NEMF: variants seen among roughly 807,000 people sequenced by gnomAD.
The protein encoded by NEMF is nuclear export mediator factor.
Under a neutral mutation model 162.2 loss-of-function variants are expected in NEMF, and 89 were observed. That is an observed-to-expected ratio of 0.55 (90% CI 0.46 to 0.65). The LOEUF (loss-of-function observed/expected upper bound fraction) is 0.65, where lower values mean the gene tolerates loss of function less well. Ranked by LOEUF, NEMF falls within the 30% of genes least tolerant of loss-of-function variation. The probability of loss-of-function intolerance (pLI) is 0.00; values close to 1 mark genes in which losing one functional copy is unlikely to be tolerated. For missense variants in NEMF, 1,133 were observed against 1,261.9 expected (o/e 0.90, Z 1.55); for synonymous variants, 421 against 404.5 (o/e 1.04, Z -0.49).
In NEMF at chr14:49,838,220, C is replaced by T. The variant is rs761693368; in HGVS notation, c.507-14G>A. The T allele has an allele frequency of 1.4e-5, 23 of 1,611,946 alleles. No homozygotes were observed. Among genetic ancestry groups the T allele is most frequent in the Middle Eastern group, 1.7e-4 (1 of 6,052 alleles). On this transcript the variant is annotated splice_polypyrimidine_tract_variant and intron_variant, in intron 5 of 32. Coordinates refer to ENST00000298310, the MANE Select transcript of NEMF (RefSeq NM_004713.6). ...ATTTCAGTCAACCTGTGAAACAAAA[C>T]GGACATGCCTCTATCATATCTTAAA... is the stretch of plus-strand genomic sequence containing the variant.
chr14:49,832,155 C>T (rs773469084), intron 9 of NEMF, 29 bp from the exon 10 acceptor site: 22 of 1,595,030 alleles, frequency 1.4e-5, no homozygotes, highest in East Asian at 2.2e-5. Flanking sequence ...ATATCACATT[C>T]GAGAACATTA....
intron 15 of NEMF, 90 bp downstream of exon 15, chr14:49,828,201 G>A: frequency 1.1e-6 from 1 of 934,096 alleles, no homozygotes; most frequent in Non-Finnish European, 1.7e-6. Context: ...TTCTGAATTA[G>A]AAAACCTCAT....
chr14:49,824,561 A>AAC, intron 16 of NEMF, among the ~76,000 whole-genome samples: 1 of 150,158 alleles, frequency 6.7e-6, no homozygotes, highest in Non-Finnish European at 1.5e-5. Flanking sequence ...AAAAAAAAAA[A>AAC]GTCTGAGGAA....
chr14:49,828,798 G>A lies in NEMF; in HGVS notation c.1242C>T (p.Tyr414=). ...NHVTMLLRNP[Y]LLSEEEDDDV... ...CATCATCTTCCTCCTCTGATAACAA[G>A]TATGGATTTCTATTAAAAATATTCA... Residue 414 remains tyrosine (Y), a synonymous_variant, in exon 14 of 33, where the codon TAC becomes TAT. Coordinates refer to ENST00000298310, the MANE Select transcript of NEMF (RefSeq NM_004713.6). 6.5e-7 allele frequency: 1 copy of A among 1,530,816 alleles called. No individual in the cohort carries two copies. Among genetic ancestry groups the A allele is most frequent in the East Asian group, 2.3e-5 (1 of 43,828 alleles). 94.8% of individuals were successfully genotyped at this position (1,530,816 alleles called of 1,614,324 possible).
At chr14:49,842,775 G>A (rs143670601) in intron 4 of NEMF, among the ~76,000 whole-genome samples, 91 of 152,318 alleles carry the variant, frequency 6.0e-4, no homozygotes, top group African/African-American at 2.1e-3. Flanking sequence ...GGGAGGCCAA[G>A]GTGGGCAGAT....
chr14:49,796,795 T>C (rs1386685753), intron 25 of NEMF, among the ~76,000 whole-genome samples: 1 of 152,228 alleles, frequency 6.6e-6, no homozygotes, highest in Non-Finnish European at 1.5e-5. Context: ...TTATCTACCA[T>C]TTAATACACA....
At position 49,783,830 on chromosome 14, in the gene NEMF, T is replaced by C. The variant is rs1373840246; in HGVS notation, c.*806A>G. ...TAAGCTGAGTCATGAGAATTATTAC[T>C]TATATTTTACATTTTGGTCTAATAT... On this transcript the variant is annotated 3_prime_UTR_variant, in exon 33 of 33. Coordinates refer to ENST00000298310, the MANE Select transcript of NEMF (RefSeq NM_004713.6). 2.6e-5 allele frequency: 4 copies of C among 152,204 alleles called. No individual in the cohort carries two copies. The highest frequency in any genetic ancestry group is 5.9e-5 in the Non-Finnish European group (4 of 68,040). 9.4% of individuals were successfully genotyped at this position (152,204 alleles called of 1,614,324 possible). A position where few individuals can be genotyped will look rare whatever the true frequency, so the allele number is the denominator to read the frequency against.
At chr14:49,799,228 AAAAAAG>A (rs1890839082) in intron 25 of NEMF, among the ~76,000 whole-genome samples, 1 of 149,324 alleles carries the variant, frequency 6.7e-6, no homozygotes. Flanking sequence ...AAAAAAAAAA[AAAAAAG>A]GAAAATGTTA....
At chr14:49,788,531 TCAAGACA>T (rs1176605765) in intron 28 of NEMF, among the ~76,000 whole-genome samples, 13 of 150,540 alleles carry the variant, frequency 8.6e-5, no homozygotes, top group African/African-American at 2.9e-4. Context: ...CTACACATCT[TCAAGACA>T]ATCCCAATTT....
At chr14:49,820,495 G>A (rs1014040381) in intron 16 of NEMF, 27 of 456,496 alleles carry the variant, frequency 5.9e-5, no homozygotes, top group Non-Finnish European at 2.6e-5. Flanking sequence ...TCGGCTGGGC[G>A]CGGTGGCTCA....
At chr14:49,792,181 G>A (rs1003732063) in intron 26 of NEMF, among the ~76,000 whole-genome samples, 2 of 151,614 alleles carry the variant, frequency 1.3e-5, no homozygotes, top group Non-Finnish European at 2.9e-5. Context: ...CAAAACATTA[G>A]GTCTAGTTTT....
chr14:49,829,501 A>T, intron 11 of NEMF, 75 bp from the exon 12 acceptor site: 3 of 1,193,858 alleles, frequency 2.5e-6, no homozygotes, highest in Non-Finnish European at 3.6e-6. Context: ...ACTTCCCAAC[A>T]CTCACTATCC....
At chr14:49,850,926 A>C (rs1893742588) in intron 3 of NEMF, among the ~76,000 whole-genome samples, 1 of 152,216 alleles carries the variant, frequency 6.6e-6, no homozygotes, top group South Asian at 2.1e-4. Flanking sequence ...ATGTTGGGCC[A>C]GGCGCGGTGG....
At chr14:49,846,491 G>A (rs2140026920) in intron 3 of NEMF, among the ~76,000 whole-genome samples, 2 of 152,124 alleles carry the variant, frequency 1.3e-5, no homozygotes, top group East Asian at 3.9e-4. Context: ...TTTAAGACAG[G>A]GTCTCACTCT....
intron 7 of NEMF, chr14:49,834,002 TTA>T (rs1182726022): frequency 1.8e-5 from 6 of 331,602 alleles, no homozygotes; most frequent in African/African-American, 1.3e-4. Flanking sequence ...TGTTGTCATT[TTA>T]TGAGTGCACT....
intron 29 of NEMF, 22 bp from the exon 30 acceptor site, chr14:49,785,342 T>A (rs1890118268): frequency 6.4e-7 from 1 of 1,553,624 alleles, no homozygotes; most frequent in Non-Finnish European, 8.9e-7. Flanking sequence ...AAATAACAGT[T>A]ACAAAGGCAA....
chr14:49,802,397 G>C, intron 22 of NEMF, 56 bp downstream of exon 22: 1 of 1,576,542 alleles, frequency 6.3e-7, no homozygotes, highest in Non-Finnish European at 8.7e-7. Flanking sequence ...GGATTTAGAA[G>C]CAAAACTAGG....
At chr14:49,824,410 G>T (rs1892235886) in intron 16 of NEMF, among the ~76,000 whole-genome samples, 1 of 151,854 alleles carries the variant, frequency 6.6e-6, no homozygotes, top group Non-Finnish European at 1.5e-5. Context: ...AGGCGTGGTG[G>T]TGGGTGCCTG....
At chr14:49,802,821 TGG>T in intron 20 of NEMF, 94 bp from the exon 21 acceptor site, 2 of 830,526 alleles carry the variant, frequency 2.4e-6, no homozygotes, top group Non-Finnish European at 4.0e-6. Context: ...ATGACACTAA[TGG>T]TCATATCCAT....
Sources: gnomAD v4.1 joint callset for allele counts (sites outside exome capture counted in the v4.1 genomes callset) on GRCh38, gnomAD v4.1.1 for gene constraint, MANE v1.5 for transcripts, NCBI Gene and HGNC (gene_info 2026-07-23, HGNC 2026-07-21) for gene names.